The following ALDH2 variants were observed in gnomAD, a reference collection of about 807,000 sequenced individuals.
ALDH2 encodes the protein aldehyde dehydrogenase, mitochondrial.
In ALDH2, 44 loss-of-function variants were observed where a neutral mutation model predicts 59.6. That is an observed-to-expected ratio of 0.74 (90% CI 0.58 to 0.95). ALDH2 has a LOEUF of 0.95. ALDH2 is among the 40% of genes least tolerant of loss of function. The probability of loss-of-function intolerance (pLI) is 0.00; values close to 1 mark genes in which losing one functional copy is unlikely to be tolerated. For missense variants in ALDH2, 570 were observed against 696.3 expected (o/e 0.82, Z 2.04); for synonymous variants, 291 against 284.0 (o/e 1.02, Z -0.25).
intron 3 of ALDH2, 25 bp from the exon 4 acceptor site, chr12:111,785,242 T>C (rs1254153623): frequency 6.3e-7 from 1 of 1,590,554 alleles, no homozygotes; most frequent in South Asian, 1.1e-5. Flanking sequence ...CACCCATGTC[T>C]CTGCTGACCT....
intron 1 of ALDH2, among the ~76,000 whole-genome samples, chr12:111,781,199 ATTGT>A (rs1171541414): frequency 2.0e-5 from 3 of 152,302 alleles, no homozygotes; most frequent in African/African-American, 7.2e-5. Flanking sequence ...GTGGTTGCAA[ATTGT>A]TTGCCATTCC....
chr12:111,785,482 G>A, intron 4 of ALDH2, 136 bp downstream of exon 4: 1 of 732,186 alleles, frequency 1.4e-6, no homozygotes, highest in South Asian at 1.6e-5. Flanking sequence ...CCAGCACTTT[G>A]GGAGGCTGAG....
intron 1 of ALDH2, among the ~76,000 whole-genome samples, chr12:111,774,797 G>A (rs181568947): frequency 3.3e-5 from 5 of 152,146 alleles, no homozygotes; most frequent in Non-Finnish European, 7.4e-5. Flanking sequence ...TCCTGCTCTG[G>A]GCACTGACCC....
At chr12:111,802,922 G>T (rs1423791895) in intron 11 of ALDH2, among the ~76,000 whole-genome samples, 2 of 150,610 alleles carry the variant, frequency 1.3e-5, no homozygotes, top group Admixed American at 6.6e-5. Flanking sequence ...GCCAAGCGTG[G>T]TGGCTCACAC....
intron 1 of ALDH2, among the ~76,000 whole-genome samples, chr12:111,777,433 C>A (rs1211482564): frequency 1.3e-5 from 2 of 152,138 alleles, no homozygotes; most frequent in African/African-American, 4.8e-5. Flanking sequence ...GCCAACCAGA[C>A]CTACTTCCAC....
At chr12:111,791,621 C>T (rs796376789) in intron 7 of ALDH2, among the ~76,000 whole-genome samples, 19 of 152,316 alleles carry the variant, frequency 1.2e-4, no homozygotes, top group African/African-American at 4.6e-4. Flanking sequence ...TGGGAGGGGC[C>T]AGTGTCCCAT....
chr12:111,807,486 G>A (rs893200404), intron 12 of ALDH2, among the ~76,000 whole-genome samples: 1 of 152,088 alleles, frequency 6.6e-6, no homozygotes, highest in Non-Finnish European at 1.5e-5. Flanking sequence ...TTATGACATC[G>A]GATAAAAGGT....
chr12:111,800,052 G>C lies in ALDH2; in HGVS notation c.1395G>C (p.Ala465=). 6.2e-7 allele frequency: 1 copy of C among 1,612,190 alleles called. No homozygotes were observed. The highest frequency in any genetic ancestry group is 8.5e-7 in the Non-Finnish European group (1 of 1,179,528). ...ATTACCTGTCCCAGGCCCTCCAGGC[G>C]GGCACTGTGTGGTAAGAGCCTCCCA... ...KANYLSQALQ[A]GTVWVNCYDV... Residue 465 remains alanine (A), a synonymous_variant, in exon 11 of 13, where the codon GCG becomes GCC. Transcript: ENST00000261733.
At chr12:111,779,844 G>A (rs972454612) in intron 1 of ALDH2, among the ~76,000 whole-genome samples, 29 of 152,184 alleles carry the variant, frequency 1.9e-4, no homozygotes, top group Admixed American at 9.2e-4. Flanking sequence ...CAAGACCATC[G>A]CCCAGTGCCT....
At chr12:111,799,257 C>T (rs897530758) in intron 10 of ALDH2, among the ~76,000 whole-genome samples, 3 of 151,320 alleles carry the variant, frequency 2.0e-5, no homozygotes, top group East Asian at 4.0e-4. Flanking sequence ...CTCTGCCTCC[C>T]GGGTTCAAGC....
intron 1 of ALDH2, chr12:111,775,690 C>A: frequency 4.4e-6 from 2 of 455,826 alleles, no homozygotes; most frequent in Non-Finnish European, 8.8e-6. Context: ...CCCCCCACCA[C>A]GCCCCGCCCA....
Position 111,789,954 on chromosome 12 carries a change from A to T in ALDH2, c.552+20A>T. On this transcript the variant is annotated intron_variant, in intron 5 of 12. Transcript: ENST00000261733. ...ATTCCGGTGAGTCCAGCCTCCCTGG[A>T]GTTTCTTCAGGGTGCCCTGAGATTT... The T allele has an allele frequency of 6.2e-7, 1 of 1,607,976 alleles. No homozygotes were observed. Among genetic ancestry groups the T allele is most frequent in the African/African-American group, 1.3e-5 (1 of 74,850 alleles).
intron 10 of ALDH2, 131 bp downstream of exon 10, chr12:111,798,373 T>G: frequency 1.1e-6 from 1 of 923,704 alleles, no homozygotes; most frequent in South Asian, 1.8e-5. Context: ...CCAGAACCAG[T>G]GCCCATAACA....
chr12:111,812,823 A>G lies in ALDH2; in HGVS notation c.*3248A>G, dbSNP rs2068544924. ...AGCCCAGGAGGTCAAGGCTGCAGTG[A>G]GCTGTGATTGCACCACTTCACTCCA... On this transcript the variant is annotated 3_prime_UTR_variant, in exon 13 of 13. Transcript: ENST00000261733. 1 of 152,342 alleles carries G rather than the reference A, an allele frequency of 6.6e-6. No homozygotes were observed. Among genetic ancestry groups the G allele is most frequent in the Admixed American group, 6.5e-5 (1 of 15,278 alleles). 9.4% of individuals were successfully genotyped at this position (152,342 alleles called of 1,614,324 possible). A position where few individuals can be genotyped will look rare whatever the true frequency, so the allele number is the denominator to read the frequency against.
At chr12:111,807,684 T>C (rs779295247) in intron 12 of ALDH2, among the ~76,000 whole-genome samples, 3 of 152,098 alleles carry the variant, frequency 2.0e-5, no homozygotes, top group Non-Finnish European at 4.4e-5. Context: ...AAAGCTGTGA[T>C]GGCGAGAAAT....
chr12:111,792,578 C>A lies in ALDH2; in HGVS notation c.899-20C>A, dbSNP rs770830521. Reference sequence around the variant, plus strand: ...CTCCTCCTCACTGTCACCTTTCTGTCTCCTGCCCACTTCCCGCAGTGGATT... The same window carrying A: ...CTCCTCCTCACTGTCACCTTTCTGTATCCTGCCCACTTCCCGCAGTGGATT... On this transcript the variant is annotated intron_variant, in intron 8 of 12. Coordinates refer to ENST00000261733, the MANE Select transcript of ALDH2 (RefSeq NM_000690.4). 80 of 1,605,216 alleles carry A rather than the reference C, an allele frequency of 5.0e-5. No individual in the cohort carries two copies. Among genetic ancestry groups the A allele is most frequent in the Non-Finnish European group, 6.5e-5 (77 of 1,177,488 alleles).
chr12:111,780,794 G>A (rs970807775), intron 1 of ALDH2, among the ~76,000 whole-genome samples: 2 of 152,124 alleles, frequency 1.3e-5, no homozygotes, highest in African/African-American at 4.8e-5. Flanking sequence ...CTGGCCCATC[G>A]CAGGTGTTCA....
chr12:111,783,810 T>C (rs1438629529), intron 3 of ALDH2, among the ~76,000 whole-genome samples: 1 of 152,100 alleles, frequency 6.6e-6, no homozygotes, highest in Non-Finnish European at 1.5e-5. Context: ...GCACCTGGCC[T>C]TTGATGCGGC....
chr12:111,771,869 C>T lies in ALDH2; in HGVS notation c.114+4773C>T, dbSNP rs183356166. Among the ~76,000 whole-genome samples, 13 of 152,186 alleles carry T rather than the reference C, an allele frequency of 8.5e-5. No individual in the cohort carries two copies. In the South Asian group the frequency reaches 1.5e-3, roughly 17 times the overall value. On this transcript the variant is annotated intron_variant, in intron 1 of 12. Coordinates refer to ENST00000261733, the MANE Select transcript of ALDH2 (RefSeq NM_000690.4). ...ATCTCCGCACTTTGGGAGGCTGAGGCGGGCAGATTGCTTGAGCACAGGAGT... is the reference window on the plus strand; with the variant it reads ...ATCTCCGCACTTTGGGAGGCTGAGGTGGGCAGATTGCTTGAGCACAGGAGT...
Sources: gnomAD v4.1 joint callset for allele counts (sites outside exome capture counted in the v4.1 genomes callset) on GRCh38, gnomAD v4.1.1 for gene constraint, MANE v1.5 for transcripts, NCBI Gene and HGNC (gene_info 2026-07-23, HGNC 2026-07-21) for gene names.